The following GLIS2 variants were observed in gnomAD, a reference collection of about 807,000 sequenced individuals.
GLIS2 encodes zinc finger protein GLIS2.
Under a neutral mutation model 35.6 loss-of-function variants are expected in GLIS2, and 14 were observed. That is an observed-to-expected ratio of 0.39 (90% CI 0.26 to 0.61). GLIS2 has a LOEUF of 0.61. GLIS2 is among the 20% of genes least tolerant of loss of function. GLIS2 has a pLI of 0.48. For missense variants in GLIS2, 675 were observed against 713.4 expected (o/e 0.95, Z 0.61); for synonymous variants, 368 against 325.1 (o/e 1.13, Z -1.42).
At position 4,332,196 on chromosome 16, in the gene GLIS2, A is replaced by G; in HGVS notation, c.-66-19A>G. On this transcript the variant is annotated intron_variant, in intron 1 of 6. Coordinates refer to ENST00000433375, the MANE Select transcript of GLIS2 (RefSeq NM_032575.3). The surrounding 1 kb of genome is among the most constrained non-coding windows in gnomAD (Gnocchi z 5.4). ...GCCTGGGGTCTCAGTGCCACAGCAC[A>G]GCTCCTGTCCTTCCCCAGGTTCCTG... 1.3e-6 allele frequency: 2 copies of G among 1,514,890 alleles called. No homozygotes were observed. Among genetic ancestry groups the G allele is most frequent in the South Asian group, 1.2e-5 (1 of 84,938 alleles). The allele number at this position is 1,514,890 out of a possible 1,614,324, so 93.8% of individuals were successfully genotyped here.
At chr16:4,328,100 C>T (rs1216804254) in intron 1 of GLIS2, among the ~76,000 whole-genome samples, 3 of 152,180 alleles carry the variant, frequency 2.0e-5, no homozygotes, top group South Asian at 2.1e-4. Context: ...GCGCTGCGCC[C>T]GGGGAGCATC....
At chr16:4,331,036 GTGCGATCTCGGCTCAC>G (rs1567221517) in intron 1 of GLIS2, among the ~76,000 whole-genome samples, 10 of 152,206 alleles carry the variant, frequency 6.6e-5, no homozygotes, top group Admixed American at 6.5e-4. Flanking sequence ...GAGTGCAGTG[GTGCGATCTCGGCTCAC>G]TGCAAGCTCT....
intron 1 of GLIS2, among the ~76,000 whole-genome samples, chr16:4,326,755 ATTTT>A (rs35674831): frequency 0.058 from 6,399 of 110,042 alleles, 539 homozygotes; most frequent in African/African-American, 0.2. Context: ...ACGCCCAGCT[ATTTT>A]TTTTTTTTTT....
At chr16:4,315,994 G>A (rs868294181), upstream of GLIS2, among the ~76,000 whole-genome samples, 39 of 123,702 alleles carry the variant, frequency 3.2e-4, no homozygotes, top group South Asian at 8.0e-3. Flanking sequence ...TCCTCCCGCC[G>A]CCTCCCTCCT....
chr16:4,329,298 C>A (rs2053472405), intron 1 of GLIS2: 1 of 152,256 alleles, frequency 6.6e-6, no homozygotes, highest in African/African-American at 2.4e-5. Flanking sequence ...ACCCACCCAC[C>A]TGCTAGCGGG....
chr16:4,323,875 G>C (rs2053403500), intron 1 of GLIS2, among the ~76,000 whole-genome samples: 1 of 152,194 alleles, frequency 6.6e-6, no homozygotes, highest in Admixed American at 6.5e-5. Flanking sequence ...CTGAGTCCCA[G>C]GGACCATTGC....
In GLIS2 at chr16:4,339,042, C is replaced by T. The variant is rs577991466; in HGVS notation, c.*1518C>T. 2.6e-5 allele frequency: 4 copies of T among 152,564 alleles called. No homozygotes were observed. Among genetic ancestry groups the T allele is most frequent in the Non-Finnish European group, 5.9e-5 (4 of 68,170 alleles). The allele number at this position is 152,564 out of a possible 1,614,324, so 9.5% of individuals were successfully genotyped here. ...GCAGGTCCTCTGGCAGCTCTGCTGA[C>T]CCCACCCTCTCCCGGACTGCCCTTC... On this transcript the variant is annotated 3_prime_UTR_variant, in exon 7 of 7. Coordinates refer to ENST00000433375, the MANE Select transcript of GLIS2 (RefSeq NM_032575.3).
At chr16:4,318,396 A>G (rs1312032608) in intron 1 of GLIS2, among the ~76,000 whole-genome samples, 3 of 152,192 alleles carry the variant, frequency 2.0e-5, no homozygotes, top group Non-Finnish European at 4.4e-5. Context: ...ATCCAGCAAA[A>G]GCCAACTCTC....
At chr16:4,333,085 G>A (rs568583498) in intron 2 of GLIS2, among the ~76,000 whole-genome samples, 6 of 152,272 alleles carry the variant, frequency 3.9e-5, no homozygotes, top group East Asian at 3.9e-4. Context: ...TTAACCCTGC[G>A]TGCCAGACCA....
chr16:4,327,237 T>C (rs2053441637), intron 1 of GLIS2, among the ~76,000 whole-genome samples: 2 of 152,184 alleles, frequency 1.3e-5, no homozygotes, highest in African/African-American at 2.4e-5. Flanking sequence ...CAGCTCCCTA[T>C]TAGCCTAGTG....
Position 4,332,643 on chromosome 16 carries a change from G to A in GLIS2, c.172+191G>A, listed in dbSNP as rs2053510688. On this transcript the variant is annotated intron_variant, in intron 2 of 6. Coordinates refer to ENST00000433375, the MANE Select transcript of GLIS2 (RefSeq NM_032575.3). The surrounding 1 kb of genome is among the most constrained non-coding windows in gnomAD (Gnocchi z 5.4). ...AGGGAGGTGGGAGCTGCAGTGCCCA[G>A]CTCACGTGGCTGGCACACGATGCAA... 1.3e-5 allele frequency among the ~76,000 whole-genome samples: 2 copies of A among 152,350 alleles called. No homozygotes were observed. The highest frequency in any genetic ancestry group is 3.4e-3 in the Middle Eastern group (1 of 294).
At chr16:4,328,306 C>T (rs368064160) in intron 1 of GLIS2, 2 of 152,416 alleles carry the variant, frequency 1.3e-5, no homozygotes, top group East Asian at 1.9e-4. Flanking sequence ...TCTGGGCCTC[C>T]GAGGCTTTCA....
At chr16:4,326,995 A>G (rs1193195586) in intron 1 of GLIS2, among the ~76,000 whole-genome samples, 1 of 152,144 alleles carries the variant, frequency 6.6e-6, no homozygotes, top group African/African-American at 2.4e-5. Flanking sequence ...TCCTGACCTC[A>G]GGTGGTCCGC....
chr16:4,332,582 G>A lies in GLIS2; in HGVS notation c.172+130G>A, dbSNP rs767677016. 106 of 1,083,848 alleles carry A rather than the reference G, an allele frequency of 9.8e-5. No homozygotes were observed. The East Asian group carries it at 2.0e-3, about 20-fold the overall frequency. 67.1% of individuals were successfully genotyped at this position (1,083,848 alleles called of 1,614,324 possible). ...CTTCCGGTTCATGGGAAGCCCGCAC[G>A]CTTGTCCTTCCATCCGCCCAGCATC... On this transcript the variant is annotated intron_variant, in intron 2 of 6. Coordinates refer to ENST00000433375, the MANE Select transcript of GLIS2 (RefSeq NM_032575.3). The surrounding 1 kb of genome is among the most constrained non-coding windows in gnomAD (Gnocchi z 5.4).
In GLIS2 at chr16:4,332,705, C is replaced by T. The variant is rs1375855266; in HGVS notation, c.172+253C>T. ...TAGGCAGATCTGGAACAGAGCTGGT[C>T]GGGCAACCAGGCATTCAGAAGGAGC... On this transcript the variant is annotated intron_variant, in intron 2 of 6. Transcript: ENST00000433375. This position sits in a 1 kb window ranked among gnomAD's most constrained non-coding sequence, Gnocchi z 5.4. Among the ~76,000 whole-genome samples, 9 of 152,204 alleles carry T rather than the reference C, an allele frequency of 5.9e-5. No homozygotes were observed. Among genetic ancestry groups the T allele is most frequent in the African/African-American group, 1.2e-4 (5 of 41,434 alleles).
chr16:4,315,661 G>A (rs2053299837), upstream of GLIS2, among the ~76,000 whole-genome samples: 1 of 143,048 alleles, frequency 7.0e-6, no homozygotes, highest in Non-Finnish European at 1.5e-5. Flanking sequence ...CCGGGGGCGG[G>A]GCCGCGGGGG....
rs781623126 is a variant in GLIS2, at chr16:4,334,942, C to A, written c.487C>A (p.Pro163Thr). The A allele has an allele frequency of 6.2e-7, 1 of 1,613,174 alleles. No individual in the cohort carries two copies. Among genetic ancestry groups the A allele is most frequent in the South Asian group, 1.1e-5 (1 of 91,080 alleles). ...GGACAAGTGCCTCTCGCCAGACCTG[C>A]CCCTGCCCAAGCAGCTGGTGTGTCG... Reference protein sequence around the residue: ...PKDKCLSPDLPLPKQLVCRWA... With the variant: ...PKDKCLSPDLTLPKQLVCRWA... Residue 163 changes from proline (P) to threonine (T), a missense_variant, in exon 4 of 7, where the codon CCC (proline) becomes ACC (threonine). Around this residue, in one of 3 missense-constraint regions of GLIS2, gnomAD observed 225 missense variants for 238.7 expected, o/e 0.94. Transcript: ENST00000433375.
intron 1 of GLIS2, among the ~76,000 whole-genome samples, 200 bp downstream of exon 1, chr16:4,316,454 C>G (rs976554720): frequency 2.0e-5 from 3 of 151,818 alleles, no homozygotes; most frequent in Non-Finnish European, 2.9e-5. Context: ...GCCGGCTCCC[C>G]GGCCGGGTCC....
At chr16:4,315,628 C>A (rs113419319), upstream of GLIS2, among the ~76,000 whole-genome samples, 14 of 150,836 alleles carry the variant, frequency 9.3e-5, no homozygotes, top group Admixed American at 2.6e-4. Flanking sequence ...ACCTCCCGGC[C>A]GTGTCCTAGC....
Sources: allele counts gnomAD v4.1 joint callset (sites outside exome capture counted in the v4.1 genomes callset), GRCh38; gene constraint gnomAD v4.1.1; regional missense constraint gnomAD v4.1.1; non-coding constraint Gnocchi (gnomAD v3.1); transcripts MANE v1.5; gene names NCBI Gene and HGNC (gene_info 2026-07-23, HGNC 2026-07-21).